The following PRR16 variants were observed in gnomAD, a reference collection of about 807,000 sequenced individuals.
The protein encoded by PRR16 is proline rich 16, also known as protein Largen.
A neutral mutation model predicts 18.2 loss-of-function variants in PRR16; 6 were observed. The ratio of observed to expected loss-of-function variants is 0.33; its 90% CI spans 0.18 to 0.65. The LOEUF is 0.65. PRR16 is among the 30% of genes least tolerant of loss of function. PRR16 has a pLI of 0.74. For synonymous variants in PRR16, 151 were observed against 147.8 expected (o/e 1.02, Z -0.16); for missense variants, 412 against 376.6 (o/e 1.09, Z -0.78).
chr5:120,749,629 A>G, the PRR16 span, among the ~76,000 whole-genome samples: 2 of 152,286 alleles, frequency 1.3e-5, no homozygotes, highest in Non-Finnish European at 1.5e-5. Context: ...GAGAGCTGCT[A>G]AGATTATCAC....
intron 1 of PRR16, among the ~76,000 whole-genome samples, chr5:120,503,392 A>G (rs1297943697): frequency 6.6e-6 from 1 of 152,146 alleles, no homozygotes; most frequent in African/African-American, 2.4e-5. Flanking sequence ...GCTAAGAAAA[A>G]TTAGTTTGTT....
the PRR16 span, among the ~76,000 whole-genome samples, chr5:120,777,127 C>T: frequency 2.6e-5 from 4 of 151,862 alleles, no homozygotes; most frequent in Admixed American, 2.6e-4. Context: ...GAGGTTAACA[C>T]CAGGGCAAAG....
intron 1 of PRR16, among the ~76,000 whole-genome samples, chr5:120,600,579 A>G (rs141557930): frequency 6.6e-6 from 1 of 151,866 alleles, no homozygotes; most frequent in African/African-American, 2.4e-5. Flanking sequence ...TTCTCTTTCA[A>G]CTTTTATTGT....
the PRR16 span, among the ~76,000 whole-genome samples, chr5:120,733,497 C>T: frequency 6.6e-6 from 1 of 151,778 alleles, no homozygotes; most frequent in South Asian, 2.1e-4. Context: ...GGTTTTTGAC[C>T]CCATTTCCCA....
chr5:120,693,762 G>T, the PRR16 span, among the ~76,000 whole-genome samples: 8 of 133,342 alleles, frequency 6.0e-5, no homozygotes, highest in South Asian at 1.7e-3. Flanking sequence ...CATAGTTAAG[G>T]TCAGTTGTAT....
intron 1 of PRR16, among the ~76,000 whole-genome samples, chr5:120,610,847 T>A (rs1754311427): frequency 1.3e-5 from 2 of 152,126 alleles, no homozygotes; most frequent in African/African-American, 4.8e-5. Context: ...ATTGTGGAAG[T>A]GACTTTGGAA....
At chr5:120,741,476 A>G in the PRR16 span, among the ~76,000 whole-genome samples, 5 of 152,166 alleles carry the variant, frequency 3.3e-5, no homozygotes, top group Non-Finnish European at 5.9e-5. Context: ...CAGTTATTAC[A>G]AAGTTTTGGC....
the PRR16 span, among the ~76,000 whole-genome samples, chr5:120,742,309 A>G: frequency 8.4e-6 from 1 of 118,674 alleles, no homozygotes; most frequent in Non-Finnish European, 1.8e-5. Flanking sequence ...TGTCTTTTAT[A>G]GTTTAGATGT....
chr5:120,494,554 C>T (rs7710928), intron 1 of PRR16, among the ~76,000 whole-genome samples: 40,479 of 151,922 alleles, frequency 0.27, 6,576 homozygotes, highest in African/African-American at 0.46. Flanking sequence ...TTCTCTCACA[C>T]TGTATCTTGT....
the PRR16 span, among the ~76,000 whole-genome samples, chr5:120,748,991 A>T: frequency 6.6e-6 from 1 of 152,142 alleles, no homozygotes; most frequent in Non-Finnish European, 1.5e-5. Context: ...CTGCTGAAAA[A>T]AATTCTAGAT....
chr5:120,718,626 A>G, the PRR16 span, among the ~76,000 whole-genome samples: 1 of 152,026 alleles, frequency 6.6e-6, no homozygotes, highest in East Asian at 1.9e-4. Context: ...GTTGTTAGAA[A>G]TAGAAGGGAA....
the PRR16 span, among the ~76,000 whole-genome samples, chr5:120,788,370 C>G: frequency 1.3e-5 from 2 of 152,082 alleles, no homozygotes; most frequent in African/African-American, 2.4e-5. Context: ...ACCGTTAAAA[C>G]TATAATTGGC....
chr5:120,683,163 C>A (rs1384748740), intron 1 of PRR16, among the ~76,000 whole-genome samples: 1 of 152,092 alleles, frequency 6.6e-6, no homozygotes, highest in African/African-American at 2.4e-5. Flanking sequence ...ATGACTAGAA[C>A]TGACTCATAC....
In PRR16 at chr5:120,480,054, G is replaced by A. The variant is rs148363655; in HGVS notation, c.159+15409G>A. On this transcript the variant is annotated intron_variant, in intron 1 of 1. Coordinates refer to ENST00000407149, the MANE Select transcript of PRR16 (RefSeq NM_001300783.2). ...ACATTTTTTCGGGAGATTTATATTCGATACTGAAACCTTATTCATAACAGG... is the reference window on the plus strand; with the variant it reads ...ACATTTTTTCGGGAGATTTATATTCAATACTGAAACCTTATTCATAACAGG... Among the ~76,000 whole-genome samples, 420 of 152,138 alleles carry A rather than the reference G, an allele frequency of 2.8e-3. 2 individuals carry two copies. The highest frequency in any genetic ancestry group is 9.7e-3 in the African/African-American group (404 of 41,536).
At chr5:120,498,260 T>C (rs1357930108) in intron 1 of PRR16, among the ~76,000 whole-genome samples, 2 of 150,000 alleles carry the variant, frequency 1.3e-5, no homozygotes, top group Non-Finnish European at 3.0e-5. Flanking sequence ...TTCCTAGGTA[T>C]TACATTATAT....
intron 1 of PRR16, 119 bp from the exon 2 acceptor site, chr5:120,685,835 G>A: frequency 1.0e-6 from 1 of 998,122 alleles, no homozygotes; most frequent in Non-Finnish European, 1.5e-6. Context: ...GCAATGGAAT[G>A]TTCAGTTCAA....
At chr5:120,511,284 C>T (rs1432673595) in intron 1 of PRR16, among the ~76,000 whole-genome samples, 2 of 152,146 alleles carry the variant, frequency 1.3e-5, no homozygotes, top group Non-Finnish European at 2.9e-5. Flanking sequence ...TTGTCTGTCA[C>T]TGGGACCAAA....
At chr5:120,579,809 G>A (rs1034366503) in intron 1 of PRR16, among the ~76,000 whole-genome samples, 6 of 152,054 alleles carry the variant, frequency 3.9e-5, no homozygotes, top group African/African-American at 1.4e-4. Context: ...GAATAGCATT[G>A]AATTTACAAG....
chr5:120,667,229 A>G (rs1025849565), intron 1 of PRR16, among the ~76,000 whole-genome samples: 5 of 134,746 alleles, frequency 3.7e-5, no homozygotes, highest in African/African-American at 1.3e-4. Context: ...TAGATTTTCT[A>G]GTTTATTTGC....
Sources: gnomAD v4.1 joint callset for allele counts (sites outside exome capture counted in the v4.1 genomes callset) on GRCh38, gnomAD v4.1.1 for gene constraint, MANE v1.5 for transcripts, NCBI Gene and HGNC (gene_info 2026-07-23, HGNC 2026-07-21) for gene names.